Variants in HSH2D observed in about 807,000 individuals in gnomAD.
The protein encoded by HSH2D is hematopoietic SH2 domain containing.
HSH2D carries 16 observed loss-of-function variants against 21.5 expected under a neutral mutation model. That is an observed-to-expected ratio of 0.74 (90% CI 0.50 to 1.13). The LOEUF (loss-of-function observed/expected upper bound fraction) is 1.13, where lower values mean the gene tolerates loss of function less well. Among genes scored for constraint, HSH2D ranks in the 50% most tolerant of loss-of-function variants. The pLI, the probability that HSH2D is intolerant of heterozygous loss-of-function variation, is 0.00. For synonymous variants in HSH2D, 172 were observed against 184.7 expected (o/e 0.93, Z 0.56); for missense variants, 418 against 441.4 (o/e 0.95, Z 0.47).
intron 4 of HSH2D, 41 bp from the exon 5 acceptor site, chr19:16,154,358 C>T (rs2091209720): frequency 1.4e-6 from 2 of 1,401,876 alleles, no homozygotes; most frequent in Admixed American, 2.1e-5. Flanking sequence ...GGACCTTTCC[C>T]CCTCCCTAGT....
At chr19:16,150,858 A>G (rs773282493) in intron 2 of HSH2D, among the ~76,000 whole-genome samples, 17 of 152,012 alleles carry the variant, frequency 1.1e-4, no homozygotes, top group Admixed American at 2.0e-4. Flanking sequence ...ACCCTGTCTC[A>G]AAAACAAAAA....
chr19:16,157,484 G>A lies in HSH2D; in HGVS notation c.749G>A (p.Gly250Asp), dbSNP rs1459573400. 1 of 1,613,940 alleles carries A rather than the reference G, an allele frequency of 6.2e-7. No homozygotes were observed. Among genetic ancestry groups the A allele is most frequent in the Non-Finnish European group, 8.5e-7 (1 of 1,179,880 alleles). ...ATCTCAGGCCCTGGGACCGGAAAAG[G>A]CAGCCAAGATCACTCAGGGGATCCC... ...TVISGPGTGK[G>D]SQDHSGDPTS... The change falls in exon 6 of 6, where the codon GGC becomes GAC. Residue 250 changes from glycine (G) to aspartate (D), a missense_variant. Gly to Asp is a moderately conservative substitution (Grantham distance 94). Coordinates refer to ENST00000613986, the MANE Select transcript of HSH2D (RefSeq NM_001382417.1). The surrounding 1 kb of genome is among the most constrained non-coding windows in gnomAD (Gnocchi z 4.4).
At chr19:16,149,698 T>C (rs1470976206) in intron 2 of HSH2D, among the ~76,000 whole-genome samples, 2 of 150,786 alleles carry the variant, frequency 1.3e-5, no homozygotes, top group African/African-American at 4.9e-5. Context: ...GCAATCCTCC[T>C]GCCTCATGAG....
intron 5 of HSH2D, among the ~76,000 whole-genome samples, chr19:16,156,392 C>T (rs1284193135): frequency 1.3e-5 from 2 of 151,912 alleles, no homozygotes; most frequent in African/African-American, 2.4e-5. Flanking sequence ...CTACATTGCC[C>T]AGGCAGGTCT....
chr19:16,140,218 G>A (rs964857803), upstream of HSH2D, among the ~76,000 whole-genome samples: 2 of 152,046 alleles, frequency 1.3e-5, no homozygotes, highest in East Asian at 1.9e-4. Flanking sequence ...CAGGTAGATC[G>A]CTTGAGGCCA....
chr19:16,150,020 A>C (rs1399756654), intron 2 of HSH2D, among the ~76,000 whole-genome samples: 1 of 152,210 alleles, frequency 6.6e-6, no homozygotes, highest in African/African-American at 2.4e-5. Context: ...GAGAGGAAGT[A>C]GTATTGGTCA....
upstream of HSH2D, among the ~76,000 whole-genome samples, chr19:16,138,814 G>A (rs534220924): frequency 6.6e-6 from 1 of 151,888 alleles, no homozygotes; most frequent in East Asian, 1.9e-4. Flanking sequence ...TTCAGCATCT[G>A]TCTCCTCATA....
At chr19:16,155,619 C>CTTTTTTTTTTTTTTTTT (rs35262744) in intron 5 of HSH2D, 2 of 114,178 alleles carry the variant, frequency 1.8e-5, no homozygotes, top group African/African-American at 6.5e-5. Flanking sequence ...CATGGGAGGA[C>CTTTTTTTTTTTTTTTTT]TTTTTTTTTT....
At chr19:16,152,891 T>C in intron 3 of HSH2D, 152 bp from the exon 4 acceptor site, 1 of 915,896 alleles carries the variant, frequency 1.1e-6, no homozygotes, top group Non-Finnish European at 1.7e-6. Flanking sequence ...GTTAGTAACC[T>C]GCTGGGTGTT....
intron 5 of HSH2D, chr19:16,154,732 C>T: frequency 2.6e-6 from 1 of 381,036 alleles, no homozygotes; most frequent in Non-Finnish European, 4.9e-6. Flanking sequence ...GTTGTTCAGA[C>T]ACACCAAGCT....
rs1200092065 is a variant in HSH2D at position 16,157,049 on chromosome 19, C to CT, written c.475-160dup. 6.6e-6 allele frequency among the ~76,000 whole-genome samples: 1 copy of CT among 151,822 alleles called. No homozygotes were observed. Among genetic ancestry groups the CT allele is most frequent in the African/African-American group, 2.4e-5 (1 of 41,338 alleles). On this transcript the variant is annotated intron_variant, in intron 5 of 5. Coordinates refer to ENST00000613986, the MANE Select transcript of HSH2D (RefSeq NM_001382417.1). The surrounding 1 kb of genome is among the most constrained non-coding windows in gnomAD (Gnocchi z 4.4). ...CTGGGGGAGACAGTGAAGCCATTTACTGAGACGAGAAAGATGGGGCATGGG... is the reference window on the plus strand; with the variant it reads ...CTGGGGGAGACAGTGAAGCCATTTACTTGAGACGAGAAAGATGGGGCATGGG...
chr19:16,145,860 G>A (rs1260751801), intron 1 of HSH2D, among the ~76,000 whole-genome samples: 3 of 152,070 alleles, frequency 2.0e-5, no homozygotes, highest in African/African-American at 7.3e-5. Flanking sequence ...TGGATCACTT[G>A]AGGTCAGGAT....
intron 4 of HSH2D, among the ~76,000 whole-genome samples, chr19:16,154,129 A>G (rs1294206549): frequency 6.7e-6 from 1 of 150,304 alleles, no homozygotes; most frequent in Non-Finnish European, 1.5e-5. Context: ...TGGGCGGGGC[A>G]TCTTTCCTTA....
Position 16,148,724 on chromosome 19 carries a change from G to A in HSH2D, c.-27G>A. 6.2e-7 allele frequency: 1 copy of A among 1,613,632 alleles called. No individual in the cohort carries two copies. The highest frequency in any genetic ancestry group is 8.5e-7 in the Non-Finnish European group (1 of 1,179,756). On this transcript the variant is annotated splice_region_variant and 5_prime_UTR_variant, in exon 2 of 6. In the 5' UTR this introduces an upstream ATG that the reference lacks. Transcript: ENST00000613986. ...TGTCTTCCCTCCCTTCTCTACCCAGGTGACCTTCCCTCCACCCCAGGAAGC... is the reference window on the plus strand; with the variant it reads ...TGTCTTCCCTCCCTTCTCTACCCAGATGACCTTCCCTCCACCCCAGGAAGC...
chr19:16,153,471 C>T (rs1465265919), intron 4 of HSH2D, among the ~76,000 whole-genome samples: 8 of 152,244 alleles, frequency 5.3e-5, no homozygotes, highest in Non-Finnish European at 1.2e-4. Context: ...AATCTTGGCT[C>T]ATCTGAAGGA....
At chr19:16,146,829 C>CT (rs112913701) in intron 1 of HSH2D, among the ~76,000 whole-genome samples, 10,617 of 143,596 alleles carry the variant, frequency 0.074, 479 homozygotes, top group African/African-American at 0.11. Flanking sequence ...ATACTCTACT[C>CT]TTTTTTTTTT....
At position 16,157,685 on chromosome 19, in the gene HSH2D, T is replaced by C; in HGVS notation, c.950T>C (p.Leu317Pro). The change falls in exon 6 of 6, where the codon CTA becomes CCA. Residue 317 changes from leucine (L) to proline (P), a missense_variant. Coordinates refer to ENST00000613986, the MANE Select transcript of HSH2D (RefSeq NM_001382417.1). This position sits in a 1 kb window ranked among gnomAD's most constrained non-coding sequence, Gnocchi z 4.4. ...TGGCACCAAATGGTAGTGAGAGCCC[T>C]ATCCTCCCAGGAGTCCAAGCCAGAG... ...RSWHQMVVRA[L>P]SSQESKPEHQ... 1 of 1,613,284 alleles carries C rather than the reference T, an allele frequency of 6.2e-7. No homozygotes were observed. Among genetic ancestry groups the C allele is most frequent in the Non-Finnish European group, 8.5e-7 (1 of 1,179,618 alleles).
upstream of HSH2D, among the ~76,000 whole-genome samples, chr19:16,143,275 G>C (rs1037966071): frequency 6.6e-6 from 1 of 151,946 alleles, no homozygotes; most frequent in African/African-American, 2.4e-5. Context: ...ATAGAGACGG[G>C]GTTTTGCCAT....
chr19:16,156,005 TGGA>T (rs533951779), intron 5 of HSH2D, among the ~76,000 whole-genome samples: 2,144 of 150,676 alleles, frequency 0.014, 25 homozygotes, highest in Middle Eastern at 0.034. Flanking sequence ...GAGGTGGGGG[TGGA>T]GGACAGTGTC....
Sources: gnomAD v4.1 joint callset for allele counts (sites outside exome capture counted in the v4.1 genomes callset) on GRCh38, gnomAD v4.1.1 for gene constraint, Gnocchi (gnomAD v3.1) non-coding constraint, MANE v1.5 for transcripts, NCBI Gene and HGNC (gene_info 2026-07-23, HGNC 2026-07-21) for gene names.